The following CDH13 variants were observed in gnomAD, a reference collection of about 807,000 sequenced individuals.
CDH13 encodes cadherin-13.
CDH13 carries 24 observed loss-of-function variants against 63.8 expected under a neutral mutation model. The observed-to-expected ratio is 0.38, with a 90% confidence interval of 0.27 to 0.53. The LOEUF (loss-of-function observed/expected upper bound fraction) is 0.53. CDH13 is among the 20% of genes least tolerant of loss of function. CDH13 has a pLI of 0.85. For missense variants in CDH13, 1,049 were observed against 903.1 expected (o/e 1.16, Z -2.07); for synonymous variants, 503 against 355.3 (o/e 1.42, Z -4.67).
intron 4 of CDH13, among the ~76,000 whole-genome samples, chr16:83,170,107 A>G (rs2037856999): frequency 6.6e-6 from 1 of 152,122 alleles, no homozygotes; most frequent in African/African-American, 2.4e-5. Flanking sequence ...ACAACAATTT[A>G]CTTTGGGACC....
intron 2 of CDH13, among the ~76,000 whole-genome samples, chr16:83,004,869 G>T (rs948438310): frequency 2.6e-5 from 4 of 152,188 alleles, no homozygotes; most frequent in Admixed American, 6.5e-5. Flanking sequence ...GCAGCTTTGT[G>T]ATTCCAAGTA....
intron 5 of CDH13, among the ~76,000 whole-genome samples, chr16:83,232,398 G>T (rs1337075719): frequency 6.6e-6 from 1 of 151,788 alleles, no homozygotes; most frequent in Non-Finnish European, 1.5e-5. Context: ...GATGGCGCAT[G>T]CCTGTAATCC....
intron 2 of CDH13, among the ~76,000 whole-genome samples, chr16:83,004,836 C>T (rs903926384): frequency 7.2e-5 from 11 of 152,198 alleles, no homozygotes; most frequent in Admixed American, 3.9e-4. Flanking sequence ...TATCATCTCA[C>T]ATTATGTCTC....
chr16:83,576,010 C>T (rs147492849), intron 7 of CDH13, among the ~76,000 whole-genome samples: 531 of 152,280 alleles, frequency 3.5e-3, no homozygotes, highest in Non-Finnish European at 5.7e-3. Flanking sequence ...ATGTAAAATT[C>T]ACATAACATG....
At chr16:82,973,663 G>A (rs62037234) in intron 2 of CDH13, among the ~76,000 whole-genome samples, 6,119 of 152,178 alleles carry the variant, frequency 0.04, 160 homozygotes, top group South Asian at 0.062. Flanking sequence ...AGGCTGCAGC[G>A]GGTCAAGGAT....
At chr16:83,782,906 G>C (rs1267884650) in intron 12 of CDH13, among the ~76,000 whole-genome samples, 1 of 152,106 alleles carries the variant, frequency 6.6e-6, no homozygotes, top group Non-Finnish European at 1.5e-5. Context: ...TAAATTTGCA[G>C]GGAGGAGTTC....
chr16:83,122,086 C>T (rs2035610087), intron 3 of CDH13, among the ~76,000 whole-genome samples: 1 of 152,144 alleles, frequency 6.6e-6, no homozygotes, highest in Admixed American at 6.5e-5. Flanking sequence ...GAGATGCTTG[C>T]TTCTGATGAT....
chr16:83,667,452 C>A (rs981278423), intron 8 of CDH13, among the ~76,000 whole-genome samples: 11 of 152,122 alleles, frequency 7.2e-5, no homozygotes, highest in African/African-American at 2.7e-4. Context: ...TCCATCCACC[C>A]ATCCGTCTAT....
chr16:83,042,047 C>T (rs1431052339), intron 3 of CDH13, among the ~76,000 whole-genome samples: 3 of 152,180 alleles, frequency 2.0e-5, no homozygotes, highest in Admixed American at 6.5e-5. Context: ...TTTTTTTCTA[C>T]TCTGAGCCAA....
At chr16:82,997,283 G>A (rs566338625) in intron 2 of CDH13, among the ~76,000 whole-genome samples, 4 of 152,120 alleles carry the variant, frequency 2.6e-5, no homozygotes. Context: ...TCACTGACAA[G>A]CAAATGTGTA....
intron 5 of CDH13, among the ~76,000 whole-genome samples, chr16:83,323,182 CTT>C (rs1420507890): frequency 1.3e-4 from 8 of 60,936 alleles, no homozygotes; most frequent in African/African-American, 5.5e-4. Flanking sequence ...TTTTTTCTTT[CTT>C]TCTTTCTTTC....
intron 6 of CDH13, among the ~76,000 whole-genome samples, chr16:83,353,390 C>G (rs890572125): frequency 6.6e-6 from 1 of 151,642 alleles, no homozygotes. Flanking sequence ...CACCATTGCA[C>G]ATGTCAGGCC....
At chr16:83,210,816 G>A (rs750063137) in intron 4 of CDH13, among the ~76,000 whole-genome samples, 2 of 151,710 alleles carry the variant, frequency 1.3e-5, no homozygotes, top group Non-Finnish European at 2.9e-5. Context: ...ACACATGGCA[G>A]TGGGGGATCC....
intron 3 of CDH13, among the ~76,000 whole-genome samples, chr16:83,071,229 G>A (rs2032415293): frequency 6.6e-6 from 1 of 152,122 alleles, no homozygotes; most frequent in Admixed American, 6.5e-5. Flanking sequence ...CAGCAATTGT[G>A]GACTGAATGC....
intron 1 of CDH13, among the ~76,000 whole-genome samples, chr16:82,821,965 T>G (rs1391593488): frequency 3.3e-5 from 5 of 152,220 alleles, no homozygotes; most frequent in Admixed American, 2.6e-4. Context: ...GGTTCCTCAC[T>G]GACTTTGTTC....
At chr16:82,948,925 G>A (rs1905017128) in intron 2 of CDH13, among the ~76,000 whole-genome samples, 1 of 152,126 alleles carries the variant, frequency 6.6e-6, no homozygotes, top group Non-Finnish European at 1.5e-5. Flanking sequence ...ATATATATCT[G>A]GTCCAGACCT....
chr16:82,886,612 A>C (rs941915338), intron 2 of CDH13, among the ~76,000 whole-genome samples: 4 of 151,354 alleles, frequency 2.6e-5, no homozygotes, highest in Non-Finnish European at 5.9e-5. Flanking sequence ...GCCAGGGCTT[A>C]AAATTTTTAC....
At chr16:83,404,317 C>G (rs1187449759) in intron 6 of CDH13, among the ~76,000 whole-genome samples, 2 of 152,220 alleles carry the variant, frequency 1.3e-5, no homozygotes, top group Admixed American at 6.5e-5. Context: ...GCCTTCAATA[C>G]TGGTCTGTCA....
At chr16:83,277,798 A>T (rs1240434508) in intron 5 of CDH13, among the ~76,000 whole-genome samples, 1 of 152,216 alleles carries the variant, frequency 6.6e-6, no homozygotes, top group Non-Finnish European at 1.5e-5. Flanking sequence ...TTTATGTTAA[A>T]AAGCTATGAG....
Sources: allele counts gnomAD v4.1 joint callset (sites outside exome capture counted in the v4.1 genomes callset), GRCh38; gene constraint gnomAD v4.1.1; transcripts MANE v1.5; gene names NCBI Gene and HGNC (gene_info 2026-07-23, HGNC 2026-07-21).